Variants in ALK observed in about 807,000 individuals in gnomAD.
ALK encodes ALK receptor tyrosine kinase.
A neutral mutation model predicts 163.1 loss-of-function variants in ALK; 74 were observed. That is an observed-to-expected ratio of 0.45 (90% CI 0.38 to 0.55). ALK has a LOEUF of 0.55. Among genes scored for constraint, ALK ranks in the 20% least tolerant of loss-of-function variants. The pLI is 0.00. For synonymous variants in ALK, 960 were observed against 843.2 expected, an observed-to-expected ratio of 1.14 and a Z score of -2.40; for missense variants, 2,063 against 2,105.3, an observed-to-expected ratio of 0.98 and a Z score of 0.39.
chr2:29,903,854 A>G (rs972540454), intron 1 of ALK, among the ~76,000 whole-genome samples: 3 of 152,270 alleles, frequency 2.0e-5, no homozygotes, highest in South Asian at 2.1e-4. Flanking sequence ...GGACCCTGCA[A>G]CTGTTTATAG....
At chr2:29,545,510 G>A (rs1163153154) in intron 3 of ALK, among the ~76,000 whole-genome samples, 3 of 152,164 alleles carry the variant, frequency 2.0e-5, no homozygotes, top group African/African-American at 7.2e-5. Flanking sequence ...AAGCTCTAGA[G>A]GCTCTTGGAA....
intron 1 of ALK, among the ~76,000 whole-genome samples, chr2:29,787,148 T>C (rs890329681): frequency 6.6e-6 from 1 of 152,166 alleles, no homozygotes; most frequent in Non-Finnish European, 1.5e-5. Flanking sequence ...GAAAGAAGCC[T>C]CTTGAAGTCC....
At chr2:29,452,190 G>C (rs1246144022) in intron 4 of ALK, among the ~76,000 whole-genome samples, 1 of 152,016 alleles carries the variant, frequency 6.6e-6, no homozygotes, top group Non-Finnish European at 1.5e-5. Flanking sequence ...TTCTACACTT[G>C]GCCCCTTACT....
intron 4 of ALK, among the ~76,000 whole-genome samples, chr2:29,469,312 C>T (rs932115512): frequency 6.6e-6 from 1 of 152,192 alleles, no homozygotes; most frequent in Non-Finnish European, 1.5e-5. Flanking sequence ...GCCAAATTGC[C>T]TTCTCAATAC....
At chr2:29,598,508 C>T (rs368220230) in intron 3 of ALK, among the ~76,000 whole-genome samples, 1 of 152,122 alleles carries the variant, frequency 6.6e-6, no homozygotes, top group East Asian at 1.9e-4. Flanking sequence ...TTAGGGACAT[C>T]ATGAAAGCTC....
chr2:29,223,497 G>A lies in ALK; in HGVS notation c.3204C>T (p.Ala1068=), dbSNP rs2148171116. ...CAGGGCTCTGCAGCTCCATCTGCAT[G>A]GCTTGCAGCTCCTGGTGCTTCCGGC... The part of the protein sequence containing the change: ...VYRRKHQELQ[A]MQMELQSPEY... The change falls in exon 20 of 29, where the codon GCC becomes GCT. Residue 1068 remains alanine (A), a synonymous_variant. Coordinates refer to ENST00000389048, the MANE Select transcript of ALK (RefSeq NM_004304.5). The A allele has an allele frequency of 6.2e-7, 1 of 1,614,078 alleles. No individual in the cohort carries two copies. The highest frequency in any genetic ancestry group is 8.5e-7 in the Non-Finnish European group (1 of 1,180,036).
chr2:29,607,365 T>C (rs1675568497), intron 3 of ALK, among the ~76,000 whole-genome samples: 1 of 152,178 alleles, frequency 6.6e-6, no homozygotes, highest in Non-Finnish European at 1.5e-5. Context: ...GAGCATCTTT[T>C]ACTTTAAGAA....
intron 1 of ALK, among the ~76,000 whole-genome samples, chr2:29,918,579 T>C (rs1260081169): frequency 6.6e-6 from 1 of 152,232 alleles, no homozygotes; most frequent in Non-Finnish European, 1.5e-5. Context: ...CCAGTGTCAC[T>C]AACACTAATG....
chr2:29,915,120 ATGT>A (rs564159250), intron 1 of ALK, among the ~76,000 whole-genome samples: 35 of 152,222 alleles, frequency 2.3e-4, no homozygotes, highest in Non-Finnish European at 4.6e-4. Flanking sequence ...AAAAATTTCC[ATGT>A]TGTGAGGTTG....
chr2:29,208,062 A>T (rs1001038112), intron 25 of ALK: 2 of 445,984 alleles, frequency 4.5e-6, no homozygotes, highest in East Asian at 1.6e-4. Context: ...TGTGCTGAGG[A>T]CATAAATAGG....
chr2:29,751,204 T>TGAGTC (rs1680356790), intron 1 of ALK, among the ~76,000 whole-genome samples: 2 of 152,124 alleles, frequency 1.3e-5, no homozygotes, highest in Admixed American at 6.5e-5. Context: ...TTGCTTTGGG[T>TGAGTC]GAGTCAGTAA....
At chr2:29,676,247 C>T (rs533492540) in intron 3 of ALK, among the ~76,000 whole-genome samples, 3 of 152,114 alleles carry the variant, frequency 2.0e-5, no homozygotes, top group African/African-American at 7.2e-5. Flanking sequence ...GTGATTTTAG[C>T]ATCATACCTA....
intron 4 of ALK, among the ~76,000 whole-genome samples, chr2:29,424,118 A>G (rs889483096): frequency 3.9e-5 from 6 of 152,210 alleles, no homozygotes; most frequent in African/African-American, 1.4e-4. Context: ...AGAAAGAGAG[A>G]AAGGTAAAGT....
At chr2:29,630,650 G>A (rs1354531476) in intron 3 of ALK, among the ~76,000 whole-genome samples, 1 of 151,878 alleles carries the variant, frequency 6.6e-6, no homozygotes, top group Non-Finnish European at 1.5e-5. Flanking sequence ...TAAACCACCA[G>A]GTATCAGGAA....
intron 3 of ALK, among the ~76,000 whole-genome samples, chr2:29,567,495 C>T (rs1303862135): frequency 6.6e-6 from 1 of 152,180 alleles, no homozygotes; most frequent in South Asian, 2.1e-4. Flanking sequence ...ATTGACACAG[C>T]TTTTGTCTAC....
chr2:29,892,612 T>C (rs953455428), intron 1 of ALK, among the ~76,000 whole-genome samples: 3 of 152,182 alleles, frequency 2.0e-5, no homozygotes, highest in African/African-American at 7.2e-5. Context: ...GTCCCTGTTC[T>C]ATAGAGAAAA....
At chr2:29,916,735 G>A (rs552181481) in intron 1 of ALK, among the ~76,000 whole-genome samples, 14 of 152,306 alleles carry the variant, frequency 9.2e-5, no homozygotes, top group African/African-American at 3.1e-4. Flanking sequence ...CCTATCCCAT[G>A]AGTCATCATC....
At chr2:29,710,769 C>G (rs1226629588) in intron 2 of ALK, among the ~76,000 whole-genome samples, 1 of 152,134 alleles carries the variant, frequency 6.6e-6, no homozygotes, top group Admixed American at 6.5e-5. Context: ...GCTTGGCCTT[C>G]CAAATTGCTG....
chr2:29,635,851 G>T (rs1261330588), intron 3 of ALK, among the ~76,000 whole-genome samples: 1 of 151,558 alleles, frequency 6.6e-6, no homozygotes, highest in Non-Finnish European at 1.5e-5. Context: ...GACTGGTCAC[G>T]AACTCCTGAC....
Sources: allele counts gnomAD v4.1 joint callset (sites outside exome capture counted in the v4.1 genomes callset), GRCh38; gene constraint gnomAD v4.1.1; transcripts MANE v1.5; gene names NCBI Gene and HGNC (gene_info 2026-07-23, HGNC 2026-07-21).